IL10RB: variants seen among roughly 807,000 people sequenced by gnomAD.
The protein encoded by IL10RB is interleukin-10 receptor subunit beta.
A neutral mutation model predicts 38.7 loss-of-function variants in IL10RB; 30 were observed. The ratio of observed to expected loss-of-function variants is 0.78; its 90% CI spans 0.58 to 1.05. The LOEUF is 1.05. Among genes scored for constraint, IL10RB ranks in the 50% least tolerant of loss-of-function variants. The pLI, the probability that IL10RB is intolerant of heterozygous loss-of-function variation, is 0.00. For missense variants in IL10RB, 328 were observed against 397.1 expected, an observed-to-expected ratio of 0.83 and a Z score of 1.48; for synonymous variants, 142 against 145.9, an observed-to-expected ratio of 0.97 and a Z score of 0.19.
chr21:33,272,184 G>A (rs1169515573), intron 2 of IL10RB, among the ~76,000 whole-genome samples: 1 of 152,136 alleles, frequency 6.6e-6, no homozygotes, highest in Non-Finnish European at 1.5e-5. Context: ...ATTTTTCTAG[G>A]TATCACTAAG....
At chr21:33,292,968 G>T (rs556539111) in intron 6 of IL10RB, among the ~76,000 whole-genome samples, 2 of 152,218 alleles carry the variant, frequency 1.3e-5, no homozygotes, top group South Asian at 4.1e-4. Flanking sequence ...TATTGGAACA[G>T]TCAGTATTCC....
chr21:33,288,608 G>C (rs1989425882), intron 6 of IL10RB, among the ~76,000 whole-genome samples: 1 of 152,166 alleles, frequency 6.6e-6, no homozygotes, highest in Non-Finnish European at 1.5e-5. Flanking sequence ...ACAGAGCTCA[G>C]TGTGGAAGAA....
chr21:33,270,010 C>T (rs1216769837), intron 2 of IL10RB, among the ~76,000 whole-genome samples: 1 of 152,210 alleles, frequency 6.6e-6, no homozygotes, highest in Non-Finnish European at 1.5e-5. Context: ...CTCTCTCTCT[C>T]TCATGCCCTT....
At chr21:33,301,759 A>T (rs552271823), downstream of IL10RB, among the ~76,000 whole-genome samples, 39 of 152,340 alleles carry the variant, frequency 2.6e-4, no homozygotes, top group Non-Finnish European at 5.1e-4. Context: ...AGATACTATT[A>T]TCTGCCTCAT....
intron 3 of IL10RB, among the ~76,000 whole-genome samples, chr21:33,277,668 C>CTTTTTTTTT (rs1216043179): frequency 5.8e-4 from 54 of 92,980 alleles, no homozygotes; most frequent in Middle Eastern, 7.4e-3. Context: ...TTCTTTCTTT[C>CTTTTTTTTT]TTTTTTTTTT....
intron 5 of IL10RB, among the ~76,000 whole-genome samples, chr21:33,287,378 C>T (rs8178521): frequency 0.2 from 29,925 of 151,116 alleles, 3,728 homozygotes; most frequent in Non-Finnish European, 0.27. Flanking sequence ...GTTTTTGAGG[C>T]GGGGTTTCAC....
At chr21:33,309,061 C>G (rs1230873784) in exon 2 of IL10RB, 1 of 152,200 alleles carries the variant, frequency 6.6e-6, no homozygotes, top group African/African-American at 2.4e-5. Context: ...ACAGCTGGAA[C>G]CTGCACTCCA....
chr21:33,295,087 C>T (rs28385666), intron 6 of IL10RB, among the ~76,000 whole-genome samples: 4 of 152,238 alleles, frequency 2.6e-5, no homozygotes, highest in Non-Finnish European at 5.9e-5. Context: ...AAGATTGGGC[C>T]GGGTGCGGTG....
intron 2 of IL10RB, among the ~76,000 whole-genome samples, chr21:33,275,883 G>A (rs546124982): frequency 6.6e-6 from 1 of 152,368 alleles, no homozygotes; most frequent in South Asian, 2.1e-4. Flanking sequence ...TTATATAGGT[G>A]TGGTTCATGG....
intron 3 of IL10RB, among the ~76,000 whole-genome samples, chr21:33,277,117 G>C (rs1257130107): frequency 6.6e-6 from 1 of 152,088 alleles, no homozygotes; most frequent in Non-Finnish European, 1.5e-5. Context: ...AACGTGATAG[G>C]CAAAAGAATG....
At position 33,283,204 on chromosome 21, in the gene IL10RB, A is replaced by G; in HGVS notation, c.609A>G (p.Glu203=). 1 of 1,614,086 alleles carries G rather than the reference A, an allele frequency of 6.2e-7. No homozygotes were observed. Among genetic ancestry groups the G allele is most frequent in the South Asian group, 1.1e-5 (1 of 91,072 alleles). The change falls in exon 5 of 7, where the codon GAA becomes GAG. Residue 203 remains glutamate, a synonymous_variant. Coordinates refer to ENST00000290200, the MANE Select transcript of IL10RB (RefSeq NM_000628.5). ...GFLPDRNKAG[E]WSEPVCEQTT... ...TTCCTGATCGGAACAAAGCTGGGGA[A>G]TGGAGTGAGCCTGTCTGTGAGCAAA...
intron 6 of IL10RB, among the ~76,000 whole-genome samples, chr21:33,294,496 C>G (rs75408315): frequency 6.6e-6 from 1 of 151,990 alleles, no homozygotes; most frequent in African/African-American, 2.4e-5. Context: ...CCAGGAAAAT[C>G]CAGAGTAGCT....
intron 2 of IL10RB, among the ~76,000 whole-genome samples, chr21:33,274,501 T>C (rs1039501755): frequency 6.6e-6 from 1 of 152,152 alleles, no homozygotes; most frequent in Admixed American, 6.5e-5. Context: ...AATAATAAGA[T>C]TTGAAAGTCG....
chr21:33,308,262 G>A (rs1457499735), intron 1 of IL10RB: 1 of 152,140 alleles, frequency 6.6e-6, no homozygotes, highest in East Asian at 1.9e-4. Context: ...TCTTCATTCT[G>A]GAAAACACGA....
At chr21:33,280,817 A>G (rs1290901263) in intron 4 of IL10RB, among the ~76,000 whole-genome samples, 1 of 152,232 alleles carries the variant, frequency 6.6e-6, no homozygotes, top group Non-Finnish European at 1.5e-5. Flanking sequence ...TTATTATCTT[A>G]GGAATGATGT....
downstream of IL10RB, among the ~76,000 whole-genome samples, chr21:33,300,834 C>T (rs969830553): frequency 1.3e-5 from 2 of 152,326 alleles, no homozygotes; most frequent in South Asian, 4.1e-4. Context: ...GCGACTCCAT[C>T]TTGAAGAGGG....
chr21:33,285,944 T>C (rs1896620131), intron 5 of IL10RB, among the ~76,000 whole-genome samples: 1 of 152,000 alleles, frequency 6.6e-6, no homozygotes, highest in African/African-American at 2.4e-5. Context: ...GCTGGAAGTG[T>C]GGGCCAGACG....
At position 33,276,586 on chromosome 21, in the gene IL10RB, G is replaced by C. The variant is rs780284942; in HGVS notation, c.174-10G>C. 1 of 1,610,628 alleles carries C rather than the reference G, an allele frequency of 6.2e-7. No individual in the cohort carries two copies. Among genetic ancestry groups the C allele is most frequent in the South Asian group, 1.1e-5 (1 of 90,970 alleles). Reference sequence around the variant, plus strand: ...ACTCTCCTGATTGACCTATCTTTTTGATTGTGTAGTTATAGGATATTCCAA... The same window carrying C: ...ACTCTCCTGATTGACCTATCTTTTTCATTGTGTAGTTATAGGATATTCCAA... On this transcript the variant is annotated splice_polypyrimidine_tract_variant and intron_variant, in intron 2 of 6. Transcript: ENST00000290200.
At position 33,266,422 on chromosome 21, in the gene IL10RB, G is replaced by T; in HGVS notation, c.-44G>T. The T allele has an allele frequency of 2.0e-6, 3 of 1,536,430 alleles. No individual in the cohort carries two copies. Among genetic ancestry groups the T allele is most frequent in the Non-Finnish European group, 2.6e-6 (3 of 1,144,736 alleles). On this transcript the variant is annotated 5_prime_UTR_variant, in exon 1 of 7. Coordinates refer to ENST00000290200, the MANE Select transcript of IL10RB (RefSeq NM_000628.5). Reference sequence around the variant, plus strand: ...ACAAGCTCTCCCGGGCGCGGGCGGGGGTCGTGTGCTTGGAGGAAGCCGCGG... The same window carrying T: ...ACAAGCTCTCCCGGGCGCGGGCGGGTGTCGTGTGCTTGGAGGAAGCCGCGG...
Sources: allele counts gnomAD v4.1 joint callset (sites outside exome capture counted in the v4.1 genomes callset), GRCh38; gene constraint gnomAD v4.1.1; transcripts MANE v1.5; gene names NCBI Gene and HGNC (gene_info 2026-07-23, HGNC 2026-07-21).